The following RAB5C variants were observed in gnomAD, a reference collection of about 807,000 sequenced individuals.
RAB5C encodes the protein ras-related protein Rab-5C.
A neutral mutation model predicts 25.2 loss-of-function variants in RAB5C; 4 were observed. That is an observed-to-expected ratio of 0.16 (90% CI 0.08 to 0.36). The LOEUF (loss-of-function observed/expected upper bound fraction) is 0.36. RAB5C is among the 10% of genes least tolerant of loss of function. The pLI is 1.00. For synonymous variants in RAB5C, 100 were observed against 106.4 expected (o/e 0.94, Z 0.37); for missense variants, 199 against 283.8 (o/e 0.70, Z 2.15).
intron 1 of RAB5C, among the ~76,000 whole-genome samples, chr17:42,143,187 C>A (rs992281148): frequency 6.6e-6 from 1 of 152,188 alleles, no homozygotes; most frequent in African/African-American, 2.4e-5. Context: ...TTTCCCAACT[C>A]CAGAGTCTCT....
intron 1 of RAB5C, among the ~76,000 whole-genome samples, chr17:42,145,848 C>A (rs148623701): frequency 6.6e-6 from 1 of 152,314 alleles, no homozygotes; most frequent in African/African-American, 2.4e-5. Flanking sequence ...CTGTCTCCAG[C>A]CCAGGCTGGA....
chr17:42,127,381 A>G (rs2054437000), intron 4 of RAB5C, among the ~76,000 whole-genome samples: 1 of 152,204 alleles, frequency 6.6e-6, no homozygotes, highest in Admixed American at 6.5e-5. Context: ...CAGAGACTTA[A>G]GTATTTCTTT....
rs115801687 is a variant in RAB5C, at chr17:42,128,210, C to A, written c.441+51G>T. The stretch of plus-strand genomic sequence containing the variant: ...AGCCCCTGAGCATCCCAGGCGAGGC[C>A]GGGGGGAGCTGCTTACTCCACTCCT... On this transcript the variant is annotated intron_variant, in intron 4 of 5. Transcript: ENST00000346213. 2.0e-3 allele frequency: 3,131 copies of A among 1,580,634 alleles called. 54 individuals carry two copies. The African/African-American group carries it at 0.038, about 19-fold the overall frequency.
intron 2 of RAB5C, among the ~76,000 whole-genome samples, chr17:42,129,602 C>G (rs529534070): frequency 6.6e-6 from 1 of 152,360 alleles, no homozygotes; most frequent in East Asian, 1.9e-4. Flanking sequence ...CTGCCCTCCC[C>G]CAGCTCACTG....
chr17:42,135,847 C>G (rs1461290395), intron 1 of RAB5C, among the ~76,000 whole-genome samples: 2 of 152,198 alleles, frequency 1.3e-5, no homozygotes, highest in African/African-American at 2.4e-5. Flanking sequence ...GAGACTTCCT[C>G]TAGCTGAGAG....
rs1353507176 is a variant in RAB5C at position 42,128,686 on chromosome 17, GC to G, written c.280del (p.Ala94ProfsTer23). 2 of 1,514,062 alleles carry G rather than the reference GC, an allele frequency of 1.3e-6. No individual in the cohort carries two copies. Among genetic ancestry groups the G allele is most frequent in the Non-Finnish European group, 8.8e-7 (1 of 1,133,556 alleles). The allele number at this position is 1,514,062 out of a possible 1,614,324, so 93.8% of individuals were successfully genotyped here. On this transcript the variant is annotated frameshift_variant, in exon 3 of 6. Coordinates refer to ENST00000346213, the MANE Select transcript of RAB5C (RefSeq NM_004583.4). LOFTEE classifies it high-confidence loss of function. ...HSLAPMYYRG[A>X]QAAIVVYDIT... Reference sequence around the variant, plus strand: ...GTCATAGACCACGATGGCAGCCTGGGCCCCCCGATAGTACATGGGGGCCAGG... The same window carrying G: ...GTCATAGACCACGATGGCAGCCTGGGCCCCCGATAGTACATGGGGGCCAGG...
chr17:42,144,952 A>G (rs2079624538), intron 1 of RAB5C, among the ~76,000 whole-genome samples: 1 of 39,618 alleles, frequency 2.5e-5, no homozygotes, highest in African/African-American at 3.5e-4. Context: ...AAAAAAAAAA[A>G]AAAAAAAAAA....
Position 42,126,810 on chromosome 17 carries a change from G to A in RAB5C, c.480C>T (p.Phe160=), listed in dbSNP as rs749231522. The A allele has an allele frequency of 2.9e-5, 46 of 1,613,410 alleles. No homozygotes were observed. The South Asian group carries it at 4.5e-4, about 16-fold the overall frequency. Residue 160 remains phenylalanine, a synonymous_variant, in exon 5 of 6, where the codon TTC becomes TTT. Coordinates refer to ENST00000346213, the MANE Select transcript of RAB5C (RefSeq NM_004583.4). ...TTGCAGTCTTTGCTGATGTCTCCAT[G>A]AACAGCAAACTGTTGTCGTCTGCAT... ...QAYADDNSLL[F]METSAKTAMN...
chr17:42,126,379 T>A (rs1248877086), intron 5 of RAB5C: 1 of 176,126 alleles, frequency 5.7e-6, no homozygotes, highest in African/African-American at 2.4e-5. Context: ...ACGCTCGTAA[T>A]CCCAGCACTT....
Sources: allele counts gnomAD v4.1 joint callset (sites outside exome capture counted in the v4.1 genomes callset), GRCh38; gene constraint gnomAD v4.1.1; transcripts MANE v1.5; gene names NCBI Gene and HGNC (gene_info 2026-07-23, HGNC 2026-07-21).